The following SPOCK3 variants were observed in gnomAD, a reference collection of about 807,000 sequenced individuals.
SPOCK3 encodes the protein testican-3.
SPOCK3 carries 30 observed loss-of-function variants against 56.6 expected under a neutral mutation model. That is an observed-to-expected ratio of 0.53 (90% CI 0.40 to 0.72). The LOEUF is 0.72. SPOCK3 is among the 30% of genes least tolerant of loss of function. The probability of loss-of-function intolerance (pLI) is 0.00; values close to 1 mark genes in which losing one functional copy is unlikely to be tolerated. For synonymous variants in SPOCK3, 196 were observed against 183.3 expected, an observed-to-expected ratio of 1.07 and a Z score of -0.56; for missense variants, 527 against 530.0, an observed-to-expected ratio of 0.99 and a Z score of 0.06.
At chr4:166,873,882 CA>C (rs1234623959) in intron 6 of SPOCK3, among the ~76,000 whole-genome samples, 1 of 152,052 alleles carries the variant, frequency 6.6e-6, no homozygotes, top group Non-Finnish European at 1.5e-5. Flanking sequence ...AAATTGGCAT[CA>C]AAGATCTCAA....
intron 7 of SPOCK3, among the ~76,000 whole-genome samples, chr4:166,784,288 T>C (rs1389676118): frequency 6.6e-6 from 1 of 152,162 alleles, no homozygotes; most frequent in Non-Finnish European, 1.5e-5. Context: ...TTTACTGCAG[T>C]ACATCAATCA....
rs538886269 is a variant in SPOCK3, at chr4:166,964,721, G to T, written c.350+35628C>A. ...ATATTCCAGTTCTAAAAGAGAACAG[G>T]ACAGGTTAAAGGAAAACAAAATAAA... On this transcript the variant is annotated intron_variant, in intron 4 of 10. Transcript: ENST00000357545. Among the ~76,000 whole-genome samples, 8 of 151,750 alleles carry T rather than the reference G, an allele frequency of 5.3e-5. No homozygotes were observed. In the South Asian group the frequency reaches 1.0e-3, roughly 20 times the overall value.
chr4:167,064,288 G>A (rs549223867), intron 2 of SPOCK3, among the ~76,000 whole-genome samples: 55 of 151,644 alleles, frequency 3.6e-4, no homozygotes, highest in Admixed American at 7.3e-4. Context: ...ATATTAAGAG[G>A]AGGGCAAATT....
intron 4 of SPOCK3, among the ~76,000 whole-genome samples, chr4:166,981,328 A>G (rs1049045987): frequency 6.6e-6 from 1 of 151,808 alleles, no homozygotes; most frequent in African/African-American, 2.4e-5. Flanking sequence ...CATCCCAACA[A>G]GTGTCCAGCT....
intron 2 of SPOCK3, among the ~76,000 whole-genome samples, chr4:167,133,918 T>TC (rs1762890333): frequency 6.6e-6 from 1 of 152,096 alleles, no homozygotes; most frequent in Non-Finnish European, 1.5e-5. Flanking sequence ...CTGTTGTTCT[T>TC]CAAAATAAGC....
Position 166,917,513 on chromosome 4 carries a change from G to A in SPOCK3, c.351-4770C>T, listed in dbSNP as rs142084361. Reference sequence around the variant, plus strand: ...TGGTCTTCCGACAGTAGCTCCACTGGAGTAAATGTATGACTTTCAGAGAAT... The same window carrying A: ...TGGTCTTCCGACAGTAGCTCCACTGAAGTAAATGTATGACTTTCAGAGAAT... On this transcript the variant is annotated intron_variant, in intron 4 of 10. Transcript: ENST00000357545. Among the ~76,000 whole-genome samples, 29 of 152,162 alleles carry A rather than the reference G, an allele frequency of 1.9e-4. No individual in the cohort carries two copies. In the East Asian group the frequency reaches 5.0e-3, roughly 26 times the overall value.
In SPOCK3 at chr4:167,189,435, A is replaced by C. The variant is rs1406892591; in HGVS notation, c.189+44550T>G. The stretch of plus-strand genomic sequence containing the variant: ...AACCAAGAAACAAGCTGATTTTATA[A>C]ACTTTTAAAGGCATTCATCAGTCCA... On this transcript the variant is annotated intron_variant, in intron 2 of 10. Coordinates refer to ENST00000357545, the MANE Select transcript of SPOCK3 (RefSeq NM_001040159.2). Among the ~76,000 whole-genome samples the C allele has an allele frequency of 1.4e-5, 2 of 145,894 alleles. 1 individual carries two copies. The highest frequency in any genetic ancestry group is 5.2e-5 in the African/African-American group (2 of 38,328).
rs566200807 is a variant in SPOCK3 at position 167,044,176 on chromosome 4, G to T, written c.235+18316C>A. On this transcript the variant is annotated intron_variant, in intron 3 of 10. Transcript: ENST00000357545. ...CTTCTTTTTCAGGTTTTAGCAGATT[G>T]TGTCTTTCAAATAATTGGTCCATTT... Among the ~76,000 whole-genome samples, 10 of 152,010 alleles carry T rather than the reference G, an allele frequency of 6.6e-5. No individual in the cohort carries two copies. In the East Asian group the frequency reaches 1.9e-3, roughly 29 times the overall value.
chr4:166,751,069 T>G (rs187588932), intron 8 of SPOCK3, among the ~76,000 whole-genome samples: 1 of 152,286 alleles, frequency 6.6e-6, no homozygotes, highest in Admixed American at 6.6e-5. Flanking sequence ...AGTAAGCCAC[T>G]GCCCTTAATC....
At chr4:166,742,149 T>C (rs1579084348) in intron 8 of SPOCK3, 90 bp from the exon 9 acceptor site, 2 of 958,466 alleles carry the variant, frequency 2.1e-6, no homozygotes, top group East Asian at 4.9e-5. Context: ...TTAGTCTTTT[T>C]GTGCCTTTGG....
chr4:167,033,914 G>A (rs1357203803), intron 3 of SPOCK3, among the ~76,000 whole-genome samples: 1 of 151,844 alleles, frequency 6.6e-6, no homozygotes, highest in Non-Finnish European at 1.5e-5. Flanking sequence ...AAATTCATAA[G>A]CTGTCTTATG....
At chr4:167,197,233 AG>A in intron 2 of SPOCK3, among the ~76,000 whole-genome samples, 1 of 152,266 alleles carries the variant, frequency 6.6e-6, no homozygotes, top group East Asian at 1.9e-4. Flanking sequence ...TGCCTTTATC[AG>A]AGGTCAAATT....
chr4:166,770,104 G>C (rs543346167), intron 7 of SPOCK3, among the ~76,000 whole-genome samples: 2 of 152,248 alleles, frequency 1.3e-5, no homozygotes, highest in East Asian at 1.9e-4. Flanking sequence ...CCTCTTCTAG[G>C]AAAGGGAATT....
At chr4:166,744,644 T>C (rs1290449387) in intron 8 of SPOCK3, among the ~76,000 whole-genome samples, 1 of 152,012 alleles carries the variant, frequency 6.6e-6, no homozygotes, top group Non-Finnish European at 1.5e-5. Flanking sequence ...CTTTGACGAG[T>C]TGACAGAAGT....
At chr4:166,888,090 A>G (rs573811356) in intron 6 of SPOCK3, among the ~76,000 whole-genome samples, 78 of 152,206 alleles carry the variant, frequency 5.1e-4, no homozygotes, top group African/African-American at 1.8e-3. Flanking sequence ...GTTAATACCA[A>G]TATAAGTGGC....
intron 2 of SPOCK3, among the ~76,000 whole-genome samples, chr4:167,158,296 C>T (rs921692428): frequency 5.3e-5 from 8 of 151,722 alleles, no homozygotes; most frequent in Admixed American, 4.0e-4. Context: ...ATGTCATCAC[C>T]CCCAAGAATG....
intron 4 of SPOCK3, among the ~76,000 whole-genome samples, chr4:166,936,409 A>G (rs1383035389): frequency 6.6e-6 from 1 of 152,082 alleles, no homozygotes; most frequent in Non-Finnish European, 1.5e-5. Flanking sequence ...AATGAGGAAA[A>G]CACTTATGTC....
intron 6 of SPOCK3, among the ~76,000 whole-genome samples, chr4:166,796,670 C>CAA (rs904860332): frequency 1.1e-4 from 17 of 152,028 alleles, no homozygotes; most frequent in Non-Finnish European, 2.2e-4. Context: ...TTTCCCTTAT[C>CAA]AATTTTTGGT....
At chr4:167,078,026 T>C (rs1427702279) in intron 2 of SPOCK3, among the ~76,000 whole-genome samples, 1 of 151,998 alleles carries the variant, frequency 6.6e-6, no homozygotes, top group East Asian at 1.9e-4. Context: ...TTACATTCTA[T>C]AGAGAGTCAT....
Sources: allele counts gnomAD v4.1 joint callset (sites outside exome capture counted in the v4.1 genomes callset), GRCh38; gene constraint gnomAD v4.1.1; transcripts MANE v1.5; gene names NCBI Gene and HGNC (gene_info 2026-07-23, HGNC 2026-07-21).